LTBP1: variants seen among roughly 807,000 people sequenced by gnomAD.
LTBP1 encodes the protein latent transforming growth factor beta binding protein 1.
A neutral mutation model predicts 207.6 loss-of-function variants in LTBP1; 129 were observed. That is an observed-to-expected ratio of 0.62 (90% CI 0.54 to 0.72). LTBP1 has a LOEUF of 0.72. LTBP1 is among the 30% of genes least tolerant of loss of function. The pLI is 0.00. For synonymous variants in LTBP1, 963 were observed against 833.7 expected (o/e 1.16, Z -2.67); for missense variants, 2,281 against 2,217.2 (o/e 1.03, Z -0.58).
chr2:33,166,073 T>TG (rs561868650), intron 5 of LTBP1, among the ~76,000 whole-genome samples: 6 of 152,076 alleles, frequency 3.9e-5, no homozygotes, highest in African/African-American at 1.4e-4. Context: ...GTATGTTTTT[T>TG]TTTTTTTTTC....
intron 3 of LTBP1, among the ~76,000 whole-genome samples, chr2:33,109,989 C>G (rs1265922445): frequency 1.3e-5 from 2 of 152,230 alleles, no homozygotes; most frequent in East Asian, 3.8e-4. Flanking sequence ...ATGGGGATTT[C>G]TTGCATAATT....
At chr2:33,077,992 A>G (rs2078177842) in intron 3 of LTBP1, among the ~76,000 whole-genome samples, 1 of 152,124 alleles carries the variant, frequency 6.6e-6, no homozygotes, top group South Asian at 2.1e-4. Flanking sequence ...GTAGATTTTG[A>G]GGTTGAGTGG....
chr2:32,999,033 C>T (rs1368242778), intron 2 of LTBP1, among the ~76,000 whole-genome samples: 1 of 152,224 alleles, frequency 6.6e-6, no homozygotes, highest in Non-Finnish European at 1.5e-5. Flanking sequence ...CCCACCCAGA[C>T]TTACTAGAAA....
chr2:32,999,148 G>T (rs533546328), intron 2 of LTBP1, among the ~76,000 whole-genome samples: 16 of 152,188 alleles, frequency 1.1e-4, no homozygotes, highest in Non-Finnish European at 2.4e-4. Flanking sequence ...GTGAGCTGTG[G>T]ACCAGCATCA....
At chr2:33,386,445 C>T (rs2095266130) in intron 31 of LTBP1, among the ~76,000 whole-genome samples, 1 of 152,176 alleles carries the variant, frequency 6.6e-6, no homozygotes, top group Non-Finnish European at 1.5e-5. Context: ...ATTCGACATC[C>T]CCGGACCTCA....
intron 15 of LTBP1, among the ~76,000 whole-genome samples, chr2:33,270,327 C>T (rs1408177048): frequency 3.3e-5 from 5 of 151,974 alleles, no homozygotes; most frequent in Non-Finnish European, 5.9e-5. Context: ...CCTTGGCTCA[C>T]GCCTGTAATC....
chr2:33,038,625 C>G (rs1286528252), intron 3 of LTBP1, among the ~76,000 whole-genome samples: 1 of 152,200 alleles, frequency 6.6e-6, no homozygotes, highest in Non-Finnish European at 1.5e-5. Context: ...GACATCTTAT[C>G]CTCTGTTTTG....
At chr2:33,166,787 A>G (rs1310514904) in intron 5 of LTBP1, among the ~76,000 whole-genome samples, 3 of 152,358 alleles carry the variant, frequency 2.0e-5, no homozygotes, top group Non-Finnish European at 4.4e-5. Flanking sequence ...TTTAAGTTAA[A>G]TGGAAGGAGA....
At chr2:33,153,911 G>C (rs2083744355) in intron 5 of LTBP1, among the ~76,000 whole-genome samples, 1 of 152,160 alleles carries the variant, frequency 6.6e-6, no homozygotes, top group African/African-American at 2.4e-5. Flanking sequence ...TAGGAAACTG[G>C]GGGGTGGAGG....
chr2:33,389,032 A>G (rs112713754), intron 31 of LTBP1, 152 bp from the exon 32 acceptor site: 2 of 1,071,032 alleles, frequency 1.9e-6, no homozygotes, highest in Non-Finnish European at 1.4e-6. Context: ...ATCAAAAGAT[A>G]TTCAGACACT....
At chr2:33,029,187 T>C (rs916102049) in intron 3 of LTBP1, among the ~76,000 whole-genome samples, 32 of 152,178 alleles carry the variant, frequency 2.1e-4, no homozygotes, top group African/African-American at 7.5e-4. Context: ...ACTTGCTAGT[T>C]ATTATTTGTC....
At chr2:33,017,108 C>T (rs559797232) in intron 2 of LTBP1, among the ~76,000 whole-genome samples, 4 of 152,290 alleles carry the variant, frequency 2.6e-5, no homozygotes, top group South Asian at 2.1e-4. Context: ...TAAGTTTTCA[C>T]GTAAATGCTA....
chr2:33,338,609 T>G (rs1233966536), intron 24 of LTBP1, among the ~76,000 whole-genome samples: 1 of 152,158 alleles, frequency 6.6e-6, no homozygotes, highest in Non-Finnish European at 1.5e-5. Context: ...CCCTGAGATC[T>G]GCTTGTGGAG....
intron 2 of LTBP1, among the ~76,000 whole-genome samples, chr2:33,002,741 G>T (rs2148989832): frequency 6.6e-6 from 1 of 152,130 alleles, no homozygotes; most frequent in Non-Finnish European, 1.5e-5. Flanking sequence ...GCAGTGGTGT[G>T]ATCTTGGCTC....
chr2:33,020,410 A>G (rs893599744), intron 2 of LTBP1, among the ~76,000 whole-genome samples: 1 of 152,206 alleles, frequency 6.6e-6, no homozygotes, highest in African/African-American at 2.4e-5. Context: ...AGTTAAGCGT[A>G]TATTTAAATT....
At chr2:33,217,242 A>T (rs987785006) in intron 7 of LTBP1, among the ~76,000 whole-genome samples, 4 of 152,174 alleles carry the variant, frequency 2.6e-5, no homozygotes, top group Admixed American at 6.5e-5. Flanking sequence ...GATCTTACAC[A>T]CTATGAGGCT....
At position 33,021,084 on chromosome 2, in the gene LTBP1, A is replaced by T. The variant is rs966357697; in HGVS notation, c.741A>T (p.Gln247His). The T allele has an allele frequency of 7.4e-6, 12 of 1,614,122 alleles. No individual in the cohort carries two copies. In the East Asian group the frequency reaches 2.7e-4, roughly 36 times the overall value. ...CTTCCTCGTGGGGCCCTCCTGAGCA[A>T]GCAGCAAAGCATACTTCATCTAAGA... ...GAASSWGPPE[Q>H]AAKHTSSKKA... Residue 247 changes from glutamine (Q) to histidine (H), a missense_variant, in exon 3 of 34, where the codon CAA becomes CAT. Gln to His is a conservative substitution (Grantham distance 24). Transcript: ENST00000404816.
chr2:33,187,020 C>T lies in LTBP1; in HGVS notation c.1366C>T (p.His456Tyr), dbSNP rs1314853198. ...SQQPGKALGT[H>Y]VIHSTHTLPL... ...GCAGCCAGGCAAGGCGTTGGGGACG[C>T]ATGTCATCCATTCAACACATACCTT... Residue 456 changes from histidine (H) to tyrosine (Y), a missense_variant, in exon 6 of 34, where the codon CAT (histidine) becomes TAT (tyrosine). By Grantham distance (83) the His-to-Tyr change is moderately conservative. Around this residue, in one of 3 missense-constraint regions of LTBP1, gnomAD observed 1,671 missense variants for 1,634.8 expected, o/e 1.02. Transcript: ENST00000404816. The T allele has an allele frequency of 3.1e-6, 5 of 1,614,066 alleles. No individual in the cohort carries two copies. Among genetic ancestry groups the T allele is most frequent in the Middle Eastern group, 1.6e-4 (1 of 6,084 alleles).
chr2:33,148,913 C>T (rs1039809609), intron 5 of LTBP1, among the ~76,000 whole-genome samples: 8 of 152,126 alleles, frequency 5.3e-5, no homozygotes, highest in African/African-American at 1.7e-4. Context: ...TGTCCTACAA[C>T]GTACAAGAGA....
Sources: allele counts gnomAD v4.1 joint callset (sites outside exome capture counted in the v4.1 genomes callset), GRCh38; gene constraint gnomAD v4.1.1; regional missense constraint gnomAD v4.1.1; transcripts MANE v1.5; gene names NCBI Gene and HGNC (gene_info 2026-07-23, HGNC 2026-07-21).